ARHGEF10: variants seen among roughly 807,000 people sequenced by gnomAD.
ARHGEF10 encodes the protein Rho guanine nucleotide exchange factor (GEF) 10.
In ARHGEF10, 140 loss-of-function variants were observed where a neutral mutation model predicts 147.4. That is an observed-to-expected ratio of 0.95 (90% CI 0.83 to 1.09). The LOEUF (loss-of-function observed/expected upper bound fraction) is 1.09. Ranked by LOEUF, ARHGEF10 falls within the 50% of genes least tolerant of loss-of-function variation. The probability of loss-of-function intolerance (pLI) is 0.00; values close to 1 mark genes in which losing one functional copy is unlikely to be tolerated. For missense variants in ARHGEF10, 2,222 were observed against 1,752.7 expected (o/e 1.27, Z -4.78); for synonymous variants, 902 against 695.8 (o/e 1.30, Z -4.67).
chr8:1,921,589 C>G (rs1212525369), intron 18 of ARHGEF10, among the ~76,000 whole-genome samples: 1 of 152,108 alleles, frequency 6.6e-6, no homozygotes. Flanking sequence ...CACAAATTAG[C>G]TGGGCATGGT....
Position 1,866,538 on chromosome 8 carries a change from C to T in ARHGEF10, c.558C>T (p.Val186=), listed in dbSNP as rs776042380. 5.6e-6 allele frequency: 9 copies of T among 1,611,372 alleles called. No individual in the cohort carries two copies. Among genetic ancestry groups the T allele is most frequent in the South Asian group, 3.3e-5 (3 of 91,078 alleles). The change falls in exon 6 of 29, where the codon GTC becomes GTT. Residue 186 remains valine, a synonymous_variant. Coordinates refer to ENST00000349830, the MANE Select transcript of ARHGEF10 (RefSeq NM_014629.4). Reference sequence around the variant, plus strand: ...TGTTTTCTTTAAGTGAAGATCAAGTCGGTCGAGAGGACAGCGCACTTGCCC... The same window carrying T: ...TGTTTTCTTTAAGTGAAGATCAAGTTGGTCGAGAGGACAGCGCACTTGCCC... ...SEEPPTSEDQ[V]GREDSALARW...
In ARHGEF10 at chr8:1,894,545, A is replaced by T. The variant is rs1340198698; in HGVS notation, c.1413A>T (p.Glu471Asp). The T allele has an allele frequency of 6.2e-7, 1 of 1,614,164 alleles. No individual in the cohort carries two copies. Among genetic ancestry groups the T allele is most frequent in the South Asian group, 1.1e-5 (1 of 91,088 alleles). Residue 471 changes from glutamate to aspartate, a missense_variant, in exon 13 of 29, where the codon GAA becomes GAT. Coordinates refer to ENST00000349830, the MANE Select transcript of ARHGEF10 (RefSeq NM_014629.4). ...ASRVSEWDSV[E>D]MIGDVFVASF... is the part of the protein sequence containing the mutation. ...GCGTTTCCGAGTGGGACTCCGTGGA[A>T]ATGATAGGCGATGTCTTCGTGGCTT...
At chr8:1,838,301 G>A (rs937215183) in intron 1 of ARHGEF10, among the ~76,000 whole-genome samples, 1 of 152,204 alleles carries the variant, frequency 6.6e-6, no homozygotes, top group African/African-American at 2.4e-5. Context: ...TAGCTGTATT[G>A]GAGCATTGTT....
intron 2 of ARHGEF10, among the ~76,000 whole-genome samples, chr8:1,856,866 G>T (rs1419130587): frequency 6.6e-6 from 1 of 152,218 alleles, no homozygotes; most frequent in East Asian, 1.9e-4. Flanking sequence ...CCTTGGGAAA[G>T]GCTGGCAGGG....
At chr8:1,869,124 C>A in intron 6 of ARHGEF10, 70 bp from the exon 7 acceptor site, 2 of 1,337,160 alleles carry the variant, frequency 1.5e-6, no homozygotes, top group Non-Finnish European at 2.2e-6. Context: ...GCGACTGTGG[C>A]CCTGTAAAAT....
chr8:1,888,188 GT>G (rs142550695), intron 11 of ARHGEF10, among the ~76,000 whole-genome samples: 4,554 of 48,360 alleles, frequency 0.094, 1,072 homozygotes, highest in African/African-American at 0.33. Flanking sequence ...TGGGGTGAGG[GT>G]TTGCGAGGAG....
At chr8:1,833,064 A>AGAAG (rs1803322223) in intron 1 of ARHGEF10, among the ~76,000 whole-genome samples, 2 of 7,230 alleles carry the variant, frequency 2.8e-4, no homozygotes, top group African/African-American at 1.1e-3. Flanking sequence ...AGAGAGAGAC[A>AGAAG]GAGACAGAGG....
chr8:1,844,011 A>G (rs1804305893), intron 2 of ARHGEF10, among the ~76,000 whole-genome samples: 1 of 152,196 alleles, frequency 6.6e-6, no homozygotes, highest in African/African-American at 2.4e-5. Context: ...CGGCCAGTGG[A>G]GAAGGTGGAC....
intron 2 of ARHGEF10, among the ~76,000 whole-genome samples, chr8:1,844,821 C>T (rs571791165): frequency 6.6e-6 from 1 of 152,126 alleles, no homozygotes; most frequent in Non-Finnish European, 1.5e-5. Context: ...AATGCCAGCA[C>T]TTTGGGAGAC....
At chr8:1,924,127 A>T (rs1812504077) in intron 21 of ARHGEF10, among the ~76,000 whole-genome samples, 2 of 152,198 alleles carry the variant, frequency 1.3e-5, no homozygotes, top group Non-Finnish European at 2.9e-5. Flanking sequence ...CATGAATATC[A>T]GTTGAGGCAG....
In ARHGEF10 at chr8:1,866,970, A is replaced by T. The variant is rs139831064; in HGVS notation, c.622+368A>T. Among the ~76,000 whole-genome samples the T allele has an allele frequency of 9.5e-3, 1,428 of 150,262 alleles. 31 individuals carry two copies. The highest frequency in any genetic ancestry group is 0.033 in the African/African-American group (1,349 of 40,984). ...GCGCTTGCCTGTGATTCCCAGGGAGATGCAGTGTCTGGCACCCGTTTTGAA... is the reference window on the plus strand; with the variant it reads ...GCGCTTGCCTGTGATTCCCAGGGAGTTGCAGTGTCTGGCACCCGTTTTGAA... On this transcript the variant is annotated intron_variant, in intron 6 of 28. Coordinates refer to ENST00000349830, the MANE Select transcript of ARHGEF10 (RefSeq NM_014629.4).
chr8:1,858,597 G>A (rs1805799638), intron 3 of ARHGEF10, among the ~76,000 whole-genome samples: 1 of 152,238 alleles, frequency 6.6e-6, no homozygotes, highest in Admixed American at 6.5e-5. Flanking sequence ...CATGTGGGAT[G>A]AAGTAGCTGT....
intron 1 of ARHGEF10, among the ~76,000 whole-genome samples, chr8:1,841,497 T>G (rs1481607115): frequency 6.6e-6 from 1 of 152,030 alleles, no homozygotes; most frequent in Non-Finnish European, 1.5e-5. Flanking sequence ...AGCTACAGAG[T>G]GTGTTACGGT....
intron 15 of ARHGEF10, among the ~76,000 whole-genome samples, chr8:1,898,919 A>G (rs562712055): frequency 6.6e-6 from 1 of 152,338 alleles, no homozygotes; most frequent in African/African-American, 2.4e-5. Context: ...CACATGAAAA[A>G]TGATTCTCGC....
rs1802582138 is a variant in ARHGEF10 at position 1,824,028 on chromosome 8, CGGCGGGGAACA to C, written c.-131_-121del. The C allele has an allele frequency of 2.3e-5, 1 of 43,366 alleles. No homozygotes were observed. The highest frequency in any genetic ancestry group is 8.9e-5 in the African/African-American group (1 of 11,260). The allele number at this position is 43,366 out of a possible 1,614,324, so 2.7% of individuals were successfully genotyped here. On this transcript the variant is annotated 5_prime_UTR_variant, in exon 1 of 29. Coordinates refer to ENST00000349830, the MANE Select transcript of ARHGEF10 (RefSeq NM_014629.4). ...GGGGACGGCGGGGAACGGCGGGGGA[CGGCGGGGAACA>C]GCGGGGGACGGCGGGGAACAGCGGG...
chr8:1,854,109 T>G lies in ARHGEF10; in HGVS notation c.38-3851T>G, dbSNP rs570090566. On this transcript the variant is annotated intron_variant, in intron 2 of 28. Transcript: ENST00000349830. ...AAAGGCATTCTGCATTGCACTTCAC[T>G]AAGGGACCTGGGGAGCTCGGGTGGG... is the stretch of plus-strand genomic sequence containing the variant. 4.8e-3 allele frequency among the ~76,000 whole-genome samples: 733 copies of G among 152,290 alleles called. 3 individuals are homozygous for G. The highest frequency in any genetic ancestry group is 0.017 in the African/African-American group (688 of 41,562).
intron 10 of ARHGEF10, among the ~76,000 whole-genome samples, chr8:1,884,143 C>T (rs758003028): frequency 3.9e-5 from 6 of 152,134 alleles, no homozygotes; most frequent in African/African-American, 1.2e-4. Flanking sequence ...CCTGTAATCC[C>T]AGCATTTTTG....
At chr8:1,929,609 C>T (rs145982762) in intron 25 of ARHGEF10, among the ~76,000 whole-genome samples, 166 bp downstream of exon 25, 2 of 152,282 alleles carry the variant, frequency 1.3e-5, no homozygotes, top group Non-Finnish European at 2.9e-5. Context: ...TTGCTTCTTC[C>T]CCAAAAGGTG....
intron 16 of ARHGEF10, chr8:1,903,894 G>C (rs1382445544): frequency 8.3e-6 from 2 of 241,162 alleles, no homozygotes; most frequent in East Asian, 2.3e-4. Flanking sequence ...AGGAGTTCAA[G>C]ACCAGCCTGG....
Sources: allele counts gnomAD v4.1 joint callset (sites outside exome capture counted in the v4.1 genomes callset), GRCh38; gene constraint gnomAD v4.1.1; transcripts MANE v1.5; gene names NCBI Gene and HGNC (gene_info 2026-07-23, HGNC 2026-07-21).